MINDY4: variants seen among roughly 807,000 people sequenced by gnomAD.
MINDY4 encodes the protein MINDY lysine 48 deubiquitinase 4, also known as probable ubiquitin carboxyl-terminal hydrolase MINDY-4.
In MINDY4, 68 loss-of-function variants were observed where a neutral mutation model predicts 87.0. The ratio of observed to expected loss-of-function variants is 0.78; its 90% CI spans 0.64 to 0.96. MINDY4 has a LOEUF of 0.96. MINDY4 is among the 40% of genes least tolerant of loss of function. The pLI is 0.00. For missense variants in MINDY4, 919 were observed against 928.2 expected, an observed-to-expected ratio of 0.99 and a Z score of 0.13; for synonymous variants, 379 against 363.2, an observed-to-expected ratio of 1.04 and a Z score of -0.50.
chr7:30,814,907 C>T (rs186855677), intron 5 of MINDY4, among the ~76,000 whole-genome samples: 7 of 152,314 alleles, frequency 4.6e-5, no homozygotes, highest in East Asian at 3.9e-4. Flanking sequence ...TAAATGCTTA[C>T]GCAGGGGAAT....
At chr7:30,837,119 C>T (rs1308369881) in intron 7 of MINDY4, among the ~76,000 whole-genome samples, 1 of 152,184 alleles carries the variant, frequency 6.6e-6, no homozygotes, top group Admixed American at 6.5e-5. Flanking sequence ...TACTGGTCTC[C>T]TAAGCCCTGG....
In MINDY4 at chr7:30,875,548, T is replaced by C. The variant is rs1006289880; in HGVS notation, c.1863T>C (p.Asp621=). 9 of 1,614,236 alleles carry C rather than the reference T, an allele frequency of 5.6e-6. No individual in the cohort carries two copies. The highest frequency in any genetic ancestry group is 1.6e-4 in the Middle Eastern group (1 of 6,062). The change falls in exon 15 of 18, where the codon GAT becomes GAC. Residue 621 remains aspartate, a synonymous_variant. Transcript: ENST00000265299. Reference sequence around the variant, plus strand: ...AAGCTGTGTCCAACGTTTTCAACGATGTGGTTGAGCTGGATTCTGGGGATG... The same window carrying C: ...AAGCTGTGTCCAACGTTTTCAACGACGTGGTTGAGCTGGATTCTGGGGATG... ...TGKAVSNVFN[D]VVELDSGDGN...
intron 5 of MINDY4, among the ~76,000 whole-genome samples, chr7:30,794,804 C>T (rs1015858274): frequency 2.6e-5 from 4 of 152,112 alleles, no homozygotes; most frequent in Non-Finnish European, 4.4e-5. Context: ...CACTCAGAAC[C>T]ATGGGGACTC....
At chr7:30,891,120 G>A (rs1790781593) in intron 17 of MINDY4, among the ~76,000 whole-genome samples, 1 of 152,144 alleles carries the variant, frequency 6.6e-6, no homozygotes, top group South Asian at 2.1e-4. Flanking sequence ...ACTCTGCACT[G>A]TAGAACTGCT....
At chr7:30,854,273 C>T (rs1349404929) in intron 12 of MINDY4, among the ~76,000 whole-genome samples, 2 of 152,220 alleles carry the variant, frequency 1.3e-5, no homozygotes, top group African/African-American at 4.8e-5. Context: ...GTCAGAAGAA[C>T]AGTGCCTGCC....
At chr7:30,806,636 C>T (rs1202014102) in intron 5 of MINDY4, among the ~76,000 whole-genome samples, 3 of 152,270 alleles carry the variant, frequency 2.0e-5, no homozygotes, top group South Asian at 4.1e-4. Flanking sequence ...GGCTCCTGTG[C>T]CCTTGGGCAT....
rs1787146308 is a variant in MINDY4, at chr7:30,785,866, G to C, written c.537G>C (p.Trp179Cys). Residue 179 changes from tryptophan to cysteine, a missense_variant, in exon 4 of 18, where the codon TGG becomes TGC. Coordinates refer to ENST00000265299, the MANE Select transcript of MINDY4 (RefSeq NM_032222.3). ...AAACTCCTGTGTTGACTTCTGCATG[G>C]GAGAAGATAGACAAGCTTCACTCGG... ...PGETPVLTSAWEKIDKLHSEP... is the reference protein window; with the variant it reads ...PGETPVLTSACEKIDKLHSEP... 7 of 1,614,242 alleles carry C rather than the reference G, an allele frequency of 4.3e-6. No homozygotes were observed. In the East Asian group the frequency reaches 1.6e-4, roughly 36 times the overall value.
chr7:30,862,087 G>T (rs1053939602), intron 13 of MINDY4, among the ~76,000 whole-genome samples: 4 of 152,238 alleles, frequency 2.6e-5, no homozygotes, highest in Non-Finnish European at 5.9e-5. Context: ...TTCAAGTGAG[G>T]AACAGGGCAG....
chr7:30,812,213 G>A (rs1788020997), intron 5 of MINDY4, among the ~76,000 whole-genome samples: 1 of 145,652 alleles, frequency 6.9e-6, no homozygotes, highest in South Asian at 2.2e-4. Context: ...ATATCATGAT[G>A]TCCACAACTG....
At position 30,853,168 on chromosome 7, in the gene MINDY4, G is replaced by A. The variant is rs552926922; in HGVS notation, c.1612-226G>A. On this transcript the variant is annotated intron_variant, in intron 11 of 17. Coordinates refer to ENST00000265299, the MANE Select transcript of MINDY4 (RefSeq NM_032222.3). Reference sequence around the variant, plus strand: ...CTGGGGTCTCAGGCCCAGAGCTGCCGTAGGGCCACCTGAACCCTGACGACT... The same window carrying A: ...CTGGGGTCTCAGGCCCAGAGCTGCCATAGGGCCACCTGAACCCTGACGACT... Among the ~76,000 whole-genome samples, 15 of 152,350 alleles carry A rather than the reference G, an allele frequency of 9.8e-5. No individual in the cohort carries two copies. In the East Asian group the frequency reaches 2.5e-3, roughly 25 times the overall value.
chr7:30,883,842 G>A (rs143126494), intron 17 of MINDY4, among the ~76,000 whole-genome samples: 6 of 152,040 alleles, frequency 3.9e-5, no homozygotes, highest in Non-Finnish European at 7.4e-5. Context: ...GAGAGAAGTC[G>A]CCTGGGTTCC....
chr7:30,866,008 G>A (rs1789923439), intron 13 of MINDY4, among the ~76,000 whole-genome samples: 1 of 152,230 alleles, frequency 6.6e-6, no homozygotes, highest in African/African-American at 2.4e-5. Context: ...CATGGGCTGG[G>A]CTAAAGCAAG....
intron 5 of MINDY4, among the ~76,000 whole-genome samples, chr7:30,828,051 C>T (rs992657172): frequency 6.6e-6 from 1 of 152,062 alleles, no homozygotes; most frequent in Non-Finnish European, 1.5e-5. Context: ...AGAAAATGCT[C>T]CCTCAAAGGG....
At chr7:30,864,566 C>T (rs1166068047) in intron 13 of MINDY4, among the ~76,000 whole-genome samples, 1 of 152,254 alleles carries the variant, frequency 6.6e-6, no homozygotes, top group Non-Finnish European at 1.5e-5. Flanking sequence ...GGTCCTTCTG[C>T]ACGGTGGGCT....
chr7:30,839,055 A>T (rs950675615), intron 7 of MINDY4, 145 bp from the exon 8 acceptor site: 1 of 544,346 alleles, frequency 1.8e-6, no homozygotes, highest in African/African-American at 1.9e-5. Context: ...GAGCCTGAAA[A>T]ATAAAAAGAG....
At chr7:30,814,203 C>T (rs992223361) in intron 5 of MINDY4, among the ~76,000 whole-genome samples, 4 of 152,288 alleles carry the variant, frequency 2.6e-5, no homozygotes, top group South Asian at 4.1e-4. Context: ...AATACAAGAC[C>T]GTGTGAACAC....
chr7:30,859,565 C>CG (rs1476848023), intron 13 of MINDY4, among the ~76,000 whole-genome samples: 1 of 152,214 alleles, frequency 6.6e-6, no homozygotes, highest in African/African-American at 2.4e-5. Flanking sequence ...AAAGACACGC[C>CG]ACCAGCCCTT....
chr7:30,778,988 A>G (rs1786914798), intron 2 of MINDY4, among the ~76,000 whole-genome samples: 1 of 152,160 alleles, frequency 6.6e-6, no homozygotes, highest in African/African-American at 2.4e-5. Flanking sequence ...CCTGTGACAT[A>G]TAATTTAGGT....
Position 30,839,237 on chromosome 7 carries a change from GT to G in MINDY4, c.1280del (p.Phe427SerfsTer18), listed in dbSNP as rs777179626. On this transcript the variant is annotated frameshift_variant, in exon 8 of 18. Coordinates refer to ENST00000265299, the MANE Select transcript of MINDY4 (RefSeq NM_032222.3). LOFTEE classifies it high-confidence loss of function. The stretch of plus-strand genomic sequence containing the variant: ...CTTCTGTTTGGTTCCAGCTTTTGCT[GT>G]TTCAATGAAGAATGGAAACTTCAGA... ...KTLLFGSSFCCFNEEWKLQSF... is the reference protein window; with the variant it reads ...KTLLFGSSFCXFNEEWKLQSF... The G allele has an allele frequency of 1.1e-5, 18 of 1,611,360 alleles. No homozygotes were observed. Among genetic ancestry groups the G allele is most frequent in the Non-Finnish European group, 8.5e-7 (1 of 1,179,284 alleles).
Sources: allele counts gnomAD v4.1 joint callset (sites outside exome capture counted in the v4.1 genomes callset), GRCh38; gene constraint gnomAD v4.1.1; transcripts MANE v1.5; gene names NCBI Gene and HGNC (gene_info 2026-07-23, HGNC 2026-07-21).